Variants in EVC2 observed in about 807,000 individuals in gnomAD.
EVC2 encodes EvC ciliary complex subunit 2.
In EVC2, 148 loss-of-function variants were observed where a neutral mutation model predicts 149.3. The observed-to-expected ratio is 0.99, with a 90% CI of 0.87 to 1.14. The LOEUF is 1.14. EVC2 is among the 50% of genes most tolerant of loss of function. The pLI, the probability that EVC2 is intolerant of heterozygous loss-of-function variation, is 0.00. For missense variants in EVC2, 1,854 were observed against 1,627.3 expected, an observed-to-expected ratio of 1.14 and a Z score of -2.40; for synonymous variants, 776 against 649.9, an observed-to-expected ratio of 1.19 and a Z score of -2.95.
intron 20 of EVC2, among the ~76,000 whole-genome samples, chr4:5,566,894 A>C (rs996289891): frequency 6.6e-6 from 1 of 152,120 alleles, no homozygotes; most frequent in Non-Finnish European, 1.5e-5. Context: ...AATACTTGCC[A>C]CCTGCATGTC....
chr4:5,622,453 G>A lies in EVC2; in HGVS notation c.2501+84C>T, dbSNP rs920299714. 3.0e-5 allele frequency: 45 copies of A among 1,480,550 alleles called. No homozygotes were observed. The highest frequency in any genetic ancestry group is 3.2e-5 in the Non-Finnish European group (35 of 1,078,368). The allele number at this position is 1,480,550 out of a possible 1,614,324, so 91.7% of individuals were successfully genotyped here. On this transcript the variant is annotated intron_variant, in intron 14 of 21. Coordinates refer to ENST00000344408, the MANE Select transcript of EVC2 (RefSeq NM_147127.5). This position sits in a 1 kb window ranked among gnomAD's most constrained non-coding sequence, Gnocchi z 5.8. Reference sequence around the variant, plus strand: ...GTCTGGGGCCAGGTGTCTCATGCTTGGCCATCCCCACAACCACAGGGCAGG... The same window carrying A: ...GTCTGGGGCCAGGTGTCTCATGCTTAGCCATCCCCACAACCACAGGGCAGG...
rs1415146859 is a variant in EVC2, at chr4:5,562,509, AAGAGT to A, written c.*334_*338del. 1 of 1,157,106 alleles carries A rather than the reference AAGAGT, an allele frequency of 8.6e-7. No homozygotes were observed. Among genetic ancestry groups the A allele is most frequent in the Non-Finnish European group, 1.1e-6 (1 of 936,306 alleles). The allele number at this position is 1,157,106 out of a possible 1,614,324, so 71.7% of individuals were successfully genotyped here. On this transcript the variant is annotated 3_prime_UTR_variant, in exon 22 of 22. Transcript: ENST00000344408. The surrounding 1 kb of genome is among the most constrained non-coding windows in gnomAD (Gnocchi z 4.3). ...AGAATATGTAACAAATACAAAACAT[AAGAGT>A]AGAGAATCTGGCTGTCACCACACAG...
At chr4:5,580,194 T>C (rs1375923623) in intron 17 of EVC2, among the ~76,000 whole-genome samples, 5 of 152,228 alleles carry the variant, frequency 3.3e-5, no homozygotes, top group African/African-American at 1.2e-4. Flanking sequence ...GAAAGTGGTT[T>C]ACACAGAATG....
chr4:5,708,349 C>T lies in EVC2; in HGVS notation c.165G>A (p.Arg55=). ...QPPRDPQVAP[R]SGPGLRIPPG... Reference sequence around the variant, plus strand: ...GAGGGATCCTCAGGCCGGGCCCAGACCTAGGAGCCACCTGGGGATCCCGGG... The same window carrying T: ...GAGGGATCCTCAGGCCGGGCCCAGATCTAGGAGCCACCTGGGGATCCCGGG... The change falls in exon 1 of 22, where the codon AGG becomes AGA. Residue 55 remains arginine (R), a synonymous_variant. Transcript: ENST00000344408. 1 of 1,486,890 alleles carries T rather than the reference C, an allele frequency of 6.7e-7. No individual in the cohort carries two copies. The allele number at this position is 1,486,890 out of a possible 1,614,324, so 92.1% of individuals were successfully genotyped here.
intron 8 of EVC2, among the ~76,000 whole-genome samples, chr4:5,663,870 G>A (rs771329193): frequency 3.3e-5 from 5 of 152,094 alleles, no homozygotes; most frequent in Non-Finnish European, 5.9e-5. Flanking sequence ...GCAGTGAGCC[G>A]AGATTGCGCC....
chr4:5,558,836 G>C (rs1721888006), downstream of EVC2, among the ~76,000 whole-genome samples: 1 of 152,126 alleles, frequency 6.6e-6, no homozygotes, highest in Non-Finnish European at 1.5e-5. Flanking sequence ...CATATGTACT[G>C]GAACTGACCA....
At chr4:5,629,828 C>T (rs7690346) in intron 11 of EVC2, among the ~76,000 whole-genome samples, 9,886 of 152,234 alleles carry the variant, frequency 0.065, 1,066 homozygotes, top group African/African-American at 0.22. Context: ...TCCATGCATG[C>T]TGATTGATGG....
chr4:5,683,540 T>A (rs995895227), intron 6 of EVC2, among the ~76,000 whole-genome samples: 1 of 152,116 alleles, frequency 6.6e-6, no homozygotes, highest in Non-Finnish European at 1.5e-5. Context: ...GAGACACAGT[T>A]GTGAATAGGA....
chr4:5,702,452 G>T (rs889563447), intron 1 of EVC2, among the ~76,000 whole-genome samples: 2 of 152,186 alleles, frequency 1.3e-5, no homozygotes, highest in Non-Finnish European at 2.9e-5. Context: ...AATAGACATT[G>T]CGAAAGAATG....
In EVC2 at chr4:5,568,619, G is replaced by C; in HGVS notation, c.3382C>G (p.Leu1128Val). Residue 1128 changes from leucine to valine, a missense_variant, in exon 20 of 22, where the codon CTG (leucine) becomes GTG (valine). By Grantham distance (32) the Leu-to-Val change is conservative. Transcript: ENST00000344408. ...CCGGGCACCATGGCCATCCTCGCCA[G>C]GTACGATGCCAGTCTCAGCTCCTAC... Reference protein sequence around the residue: ...CSQELRLASYLARMAMVPGAT... With the variant: ...CSQELRLASYVARMAMVPGAT... 1 of 1,608,906 alleles carries C rather than the reference G, an allele frequency of 6.2e-7. No individual in the cohort carries two copies. Among genetic ancestry groups the C allele is most frequent in the Non-Finnish European group, 8.5e-7 (1 of 1,179,858 alleles).
the EVC2 span, among the ~76,000 whole-genome samples, chr4:5,535,372 T>A: frequency 2.0e-5 from 3 of 152,154 alleles, no homozygotes; most frequent in African/African-American, 4.8e-5. The surrounding 1 kb of genome is among the most constrained non-coding windows in gnomAD (Gnocchi z 4.7). Flanking sequence ...GTTCGTCTGA[T>A]TCGTGAGGCC....
chr4:5,600,486 A>C (rs1394487538), intron 16 of EVC2, among the ~76,000 whole-genome samples: 2 of 152,176 alleles, frequency 1.3e-5, no homozygotes, highest in Non-Finnish European at 2.9e-5. Context: ...TGCCTAGTGA[A>C]GAATAGTGAA....
At chr4:5,531,766 T>C in the EVC2 span, among the ~76,000 whole-genome samples, 1 of 152,042 alleles carries the variant, frequency 6.6e-6, no homozygotes, top group Non-Finnish European at 1.5e-5. Flanking sequence ...TGGTGAGATG[T>C]ATAATTATTT....
upstream of EVC2, chr4:5,708,589 C>T (rs1472574792): frequency 9.0e-7 from 1 of 1,114,780 alleles, no homozygotes; most frequent in African/African-American, 1.7e-5. Flanking sequence ...AGGCCCGCCC[C>T]GCCGCCGAGC....
rs1471803957 is a variant in EVC2, at chr4:5,679,392, T to C, written c.870+1868A>G. Among the ~76,000 whole-genome samples, 1 of 152,090 alleles carries C rather than the reference T, an allele frequency of 6.6e-6. No individual in the cohort carries two copies. The highest frequency in any genetic ancestry group is 2.4e-5 in the African/African-American group (1 of 41,428). ...CTGGAATCACAGACACGCACCACCA[T>C]GCTCAGCTAATTTTTTTTGTATTTT... On this transcript the variant is annotated intron_variant, in intron 7 of 21. Coordinates refer to ENST00000344408, the MANE Select transcript of EVC2 (RefSeq NM_147127.5). This position sits in a 1 kb window ranked among gnomAD's most constrained non-coding sequence, Gnocchi z 5.1.
rs1392499941 is a variant in EVC2, at chr4:5,565,283, G to C, written c.3634C>G (p.Leu1212Val). Residue 1212 changes from leucine (L) to valine (V), a missense_variant, in exon 21 of 22, where the codon CTG (leucine) becomes GTG (valine). Physicochemically the swap from Leu to Val is conservative, Grantham distance 32. Coordinates refer to ENST00000344408, the MANE Select transcript of EVC2 (RefSeq NM_147127.5). Reference sequence around the variant, plus strand: ...CTCTGCTTTCTCTTGCGGGCCCACAGCATCTTTTCTAATCCTCTGCTTATC... The same window carrying C: ...CTCTGCTTTCTCTTGCGGGCCCACACCATCTTTTCTAATCCTCTGCTTATC... ...DLISRGLEKM[L>V]WARKRKQSIL... is the part of the protein sequence containing the mutation. The C allele has an allele frequency of 1.9e-6, 3 of 1,613,982 alleles. No homozygotes were observed. The highest frequency in any genetic ancestry group is 2.5e-6 in the Non-Finnish European group (3 of 1,179,972).
intron 15 of EVC2, among the ~76,000 whole-genome samples, chr4:5,617,084 A>G (rs80218543): frequency 0.045 from 6,806 of 150,820 alleles, 480 homozygotes; most frequent in African/African-American, 0.16. Context: ...AGAAGTAGGG[A>G]AAAAAACAAC....
At chr4:5,646,845 A>C (rs954772368) in intron 9 of EVC2, among the ~76,000 whole-genome samples, 2 of 152,216 alleles carry the variant, frequency 1.3e-5, no homozygotes, top group African/African-American at 4.8e-5. Flanking sequence ...TTATGGTAAA[A>C]ATAATGCCAG....
At chr4:5,630,355 C>T (rs1047785739) in intron 11 of EVC2, among the ~76,000 whole-genome samples, 2 of 152,170 alleles carry the variant, frequency 1.3e-5, no homozygotes, top group Admixed American at 6.5e-5. Flanking sequence ...AGGACCTGCT[C>T]ACAGACGCAG....
Sources: gnomAD v4.1 joint callset for allele counts (sites outside exome capture counted in the v4.1 genomes callset) on GRCh38, gnomAD v4.1.1 for gene constraint, Gnocchi (gnomAD v3.1) non-coding constraint, MANE v1.5 for transcripts, NCBI Gene and HGNC (gene_info 2026-07-23, HGNC 2026-07-21) for gene names.